The following TEK variants were observed in gnomAD, a reference collection of about 807,000 sequenced individuals.
TEK encodes the protein TEK receptor tyrosine kinase, also known as angiopoietin-1 receptor.
A neutral mutation model predicts 131.8 loss-of-function variants in TEK; 43 were observed. That is an observed-to-expected ratio of 0.33 (90% CI 0.26 to 0.42). The LOEUF (loss-of-function observed/expected upper bound fraction) is 0.42. TEK is among the 10% of genes least tolerant of loss of function. TEK has a pLI of 1.00. For synonymous variants in TEK, 580 were observed against 491.6 expected (o/e 1.18, Z -2.38); for missense variants, 1,162 against 1,384.4 (o/e 0.84, Z 2.55).
chr9:27,194,311 T>C (rs1255763874), intron 11 of TEK, among the ~76,000 whole-genome samples: 1 of 152,160 alleles, frequency 6.6e-6, no homozygotes, highest in Non-Finnish European at 1.5e-5. Context: ...GAAACATCCT[T>C]CCTTCACACC....
chr9:27,217,994 T>A (rs550982), intron 19 of TEK, among the ~76,000 whole-genome samples: 1 of 151,932 alleles, frequency 6.6e-6, no homozygotes, highest in Non-Finnish European at 1.5e-5. Context: ...TGTGTATTCC[T>A]CATGTGCTTC....
intron 1 of TEK, among the ~76,000 whole-genome samples, chr9:27,149,394 A>T (rs1039535088): frequency 7.9e-5 from 12 of 152,210 alleles, no homozygotes; most frequent in African/African-American, 2.9e-4. Flanking sequence ...CAATAGTGTG[A>T]GAATTCAAGT....
chr9:27,127,290 G>C (rs1430133080), intron 1 of TEK, among the ~76,000 whole-genome samples: 1 of 152,136 alleles, frequency 6.6e-6, no homozygotes, highest in African/African-American at 2.4e-5. Context: ...CCATGTCCCT[G>C]CAAAGGACAT....
At chr9:27,173,412 A>G in intron 6 of TEK, 50 bp downstream of exon 6, 1 of 1,612,076 alleles carries the variant, frequency 6.2e-7, no homozygotes, top group African/African-American at 1.3e-5. Context: ...CAGGTATATA[A>G]AGGAGATCCA....
At chr9:27,190,284 G>A (rs906227196) in intron 9 of TEK, among the ~76,000 whole-genome samples, 1 of 152,148 alleles carries the variant, frequency 6.6e-6, no homozygotes, top group Admixed American at 6.6e-5. Flanking sequence ...TACATGTGAT[G>A]AGAATCCATT....
intron 11 of TEK, among the ~76,000 whole-genome samples, chr9:27,193,180 T>A (rs1361243631): frequency 6.6e-6 from 1 of 152,210 alleles, no homozygotes; most frequent in Non-Finnish European, 1.5e-5. Flanking sequence ...CAGTCCTGCT[T>A]CCTATAGGTA....
At chr9:27,141,959 T>C (rs921736464) in intron 1 of TEK, among the ~76,000 whole-genome samples, 1 of 152,226 alleles carries the variant, frequency 6.6e-6, no homozygotes, top group Non-Finnish European at 1.5e-5. Context: ...CTATTACCAT[T>C]GAGATTTCAG....
chr9:27,169,604 G>A lies in TEK; in HGVS notation c.603G>A (p.Ser201=), dbSNP rs772924336. ...ATATAGGAGGAAACCTCTTCACCTC[G>A]GCCTTCACCAGGCTGATAGTCCGGA... ...ARYIGGNLFT[S]AFTRLIVRRC... is the part of the protein sequence containing the mutation. The change falls in exon 4 of 23, where the codon TCG becomes TCA. Residue 201 remains serine, a synonymous_variant. Transcript: ENST00000380036. 37 of 1,613,946 alleles carry A rather than the reference G, an allele frequency of 2.3e-5. No homozygotes were observed. The highest frequency in any genetic ancestry group is 1.6e-4 in the South Asian group (15 of 91,078).
intron 1 of TEK, among the ~76,000 whole-genome samples, chr9:27,116,015 G>A (rs1564033024): frequency 6.6e-6 from 1 of 152,212 alleles, no homozygotes; most frequent in Admixed American, 6.5e-5. Context: ...GGATTAACAT[G>A]GTAGAGACCA....
At chr9:27,208,557 T>C (rs1442016620) in intron 15 of TEK, among the ~76,000 whole-genome samples, 1 of 152,252 alleles carries the variant, frequency 6.6e-6, no homozygotes, top group African/African-American at 2.4e-5. Flanking sequence ...CATTTGGATT[T>C]GATTTGTTTA....
intron 1 of TEK, among the ~76,000 whole-genome samples, chr9:27,153,380 G>A (rs556083229): frequency 2.6e-3 from 401 of 152,334 alleles, no homozygotes; most frequent in African/African-American, 7.8e-3. Flanking sequence ...AACCCGGGAG[G>A]CGGAAGTTGC....
At chr9:27,193,997 G>A (rs552171717) in intron 11 of TEK, among the ~76,000 whole-genome samples, 4 of 152,014 alleles carry the variant, frequency 2.6e-5, no homozygotes, top group Non-Finnish European at 4.4e-5. Context: ...TTGTAGAGAC[G>A]GGGTCTTGCT....
intron 6 of TEK, among the ~76,000 whole-genome samples, chr9:27,177,451 C>T (rs187193261): frequency 3.3e-5 from 5 of 152,114 alleles, no homozygotes; most frequent in African/African-American, 9.7e-5. Flanking sequence ...ATTTGTATGT[C>T]GTCTTTTAAG....
chr9:27,161,067 T>G (rs1451436157), intron 2 of TEK, among the ~76,000 whole-genome samples: 2 of 152,198 alleles, frequency 1.3e-5, no homozygotes, highest in East Asian at 3.8e-4. Context: ...AGGTCATCCT[T>G]GACAATGTAT....
intron 1 of TEK, among the ~76,000 whole-genome samples, chr9:27,142,662 CA>C (rs1404598150): frequency 1.3e-5 from 2 of 152,190 alleles, no homozygotes. Context: ...AGTACTAAGG[CA>C]AAGGGGTTCC....
At chr9:27,117,884 CT>C (rs1821630364) in intron 1 of TEK, among the ~76,000 whole-genome samples, 1 of 152,146 alleles carries the variant, frequency 6.6e-6, no homozygotes, top group African/African-American at 2.4e-5. Flanking sequence ...ATCATGCTTC[CT>C]GGGGGGAGCA....
In TEK at chr9:27,129,732, C is replaced by G. The variant is rs148791296; in HGVS notation, c.52+20090C>G. Among the ~76,000 whole-genome samples the G allele has an allele frequency of 6.6e-5, 10 of 152,284 alleles. No homozygotes were observed. The East Asian group carries it at 1.9e-3, about 29-fold the overall frequency. On this transcript the variant is annotated intron_variant, in intron 1 of 22. Coordinates refer to ENST00000380036, the MANE Select transcript of TEK (RefSeq NM_000459.5). ...CAGTTGCCCCTCCCTATCATTGCCT[C>G]TGCCTGTTATTCCTGACAGAATAAG...
In TEK at chr9:27,219,708, A is replaced by AACT. The variant is rs1391574336; in HGVS notation, c.3104-339_3104-337dup. Among the ~76,000 whole-genome samples the AACT allele has an allele frequency of 2.6e-5, 4 of 151,922 alleles. No homozygotes were observed. In the East Asian group the frequency reaches 7.7e-4, roughly 29 times the overall value. ...ATCATTGATAAAATATGAGTTATAA[A>AACT]ACTATGGACTTCCAATCAGAAAAAA... On this transcript the variant is annotated intron_variant, in intron 20 of 22. Coordinates refer to ENST00000380036, the MANE Select transcript of TEK (RefSeq NM_000459.5).
In TEK at chr9:27,176,539, T is replaced by C. The variant is rs572212081; in HGVS notation, c.901+3177T>C. Among the ~76,000 whole-genome samples, 7 of 152,340 alleles carry C rather than the reference T, an allele frequency of 4.6e-5. No homozygotes were observed. In the East Asian group the frequency reaches 1.3e-3, roughly 29 times the overall value. On this transcript the variant is annotated intron_variant, in intron 6 of 22. Coordinates refer to ENST00000380036, the MANE Select transcript of TEK (RefSeq NM_000459.5). ...GTAAGAAGTTGTGATTAAGTTTTTT[T>C]CCAGCTTTATCAAGGTCTAATTGCT... is the stretch of plus-strand genomic sequence containing the variant.
Sources: gnomAD v4.1 joint callset for allele counts (sites outside exome capture counted in the v4.1 genomes callset) on GRCh38, gnomAD v4.1.1 for gene constraint, MANE v1.5 for transcripts, NCBI Gene and HGNC (gene_info 2026-07-23, HGNC 2026-07-21) for gene names.